The following MLF1 variants were observed in gnomAD, a reference collection of about 807,000 sequenced individuals.
The protein encoded by MLF1 is myeloid leukemia factor 1.
A neutral mutation model predicts 38.3 loss-of-function variants in MLF1; 37 were observed. The observed-to-expected ratio is 0.96, with a 90% CI of 0.74 to 1.27. The LOEUF (loss-of-function observed/expected upper bound fraction) is 1.27. Among genes scored for constraint, MLF1 ranks in the 50% most tolerant of loss-of-function variants. The probability of loss-of-function intolerance (pLI) is 0.00; values close to 1 mark genes in which losing one functional copy is unlikely to be tolerated. For synonymous variants in MLF1, 95 were observed against 106.5 expected (o/e 0.89, Z 0.66); for missense variants, 331 against 349.2 (o/e 0.95, Z 0.42).
chr3:158,592,521 T>C lies in MLF1; in HGVS notation c.135T>C (p.Ser45=). ...TTGGAAGAGACTTGCTCAGTATCTCTGATGGTAGAGGGAGAGCTCATAATC... is the reference window on the plus strand; with the variant it reads ...TTGGAAGAGACTTGCTCAGTATCTCCGATGGTAGAGGGAGAGCTCATAATC... ...EPFGRDLLSI[S]DGRGRAHNRR... Residue 45 remains serine (S), a synonymous_variant, in exon 2 of 8, where the codon TCT becomes TCC. Coordinates refer to ENST00000466246, the MANE Select transcript of MLF1 (RefSeq NM_001369783.1). 1 of 1,612,146 alleles carries C rather than the reference T, an allele frequency of 6.2e-7. No homozygotes were observed.
chr3:158,574,892 G>A (rs1263905895), intron 1 of MLF1, among the ~76,000 whole-genome samples: 1 of 152,014 alleles, frequency 6.6e-6, no homozygotes, highest in Non-Finnish European at 1.5e-5. Flanking sequence ...GACAATTTTC[G>A]AGTTGTATTA....
At chr3:158,594,701 A>G (rs1449414537) in intron 3 of MLF1, among the ~76,000 whole-genome samples, 4 of 152,130 alleles carry the variant, frequency 2.6e-5, no homozygotes, top group African/African-American at 9.7e-5. Flanking sequence ...TAAAAGGGCG[A>G]ATGGATGGAA....
chr3:158,601,308 G>A (rs1273592953), intron 6 of MLF1, among the ~76,000 whole-genome samples: 2 of 152,014 alleles, frequency 1.3e-5, no homozygotes, highest in Admixed American at 6.6e-5. Context: ...AGTGACTCAC[G>A]CCTGTAATCC....
chr3:158,584,775 TACC>T (rs546948658), intron 1 of MLF1, among the ~76,000 whole-genome samples: 110 of 151,880 alleles, frequency 7.2e-4, no homozygotes, highest in Admixed American at 1.2e-3. Context: ...GGCTTCTCTG[TACC>T]ACATTGCAAG....
chr3:158,574,104 T>G (rs1715006621), intron 1 of MLF1, among the ~76,000 whole-genome samples: 1 of 152,158 alleles, frequency 6.6e-6, no homozygotes, highest in Non-Finnish European at 1.5e-5. Context: ...TAGCCAATGT[T>G]GTTGTTTAAA....
chr3:158,588,531 G>T (rs1046203706), intron 1 of MLF1, among the ~76,000 whole-genome samples: 5 of 151,144 alleles, frequency 3.3e-5, no homozygotes, highest in African/African-American at 1.2e-4. Context: ...AACCCAGGAG[G>T]CGGAGCTTGC....
At chr3:158,605,012 CA>C (rs1461683707) in intron 7 of MLF1, 84 bp from the exon 8 acceptor site, 1 of 985,500 alleles carries the variant, frequency 1.0e-6, no homozygotes, top group African/African-American at 1.7e-5. Context: ...TCTTATATTA[CA>C]GTGGTTTTTA....
chr3:158,581,665 A>G (rs1447668425), intron 1 of MLF1, among the ~76,000 whole-genome samples: 2 of 152,194 alleles, frequency 1.3e-5, no homozygotes, highest in African/African-American at 2.4e-5. Flanking sequence ...TCAACAAAAT[A>G]TTACGAGGCA....
At chr3:158,578,104 T>C (rs1715732240) in intron 1 of MLF1, among the ~76,000 whole-genome samples, 1 of 152,200 alleles carries the variant, frequency 6.6e-6, no homozygotes, top group Non-Finnish European at 1.5e-5. Flanking sequence ...TTATTTCTAG[T>C]ATCAAAACAT....
At chr3:158,592,702 T>A in intron 2 of MLF1, 121 bp downstream of exon 2, 1 of 807,868 alleles carries the variant, frequency 1.2e-6, no homozygotes, top group Non-Finnish European at 1.8e-6. Flanking sequence ...TAGAAATCAC[T>A]ATTATATAAA....
chr3:158,580,458 C>T (rs987715554), intron 1 of MLF1, among the ~76,000 whole-genome samples: 3 of 152,076 alleles, frequency 2.0e-5, no homozygotes, highest in African/African-American at 7.2e-5. Context: ...ATGAGCTGCT[C>T]CGTGTGTACT....
chr3:158,598,339 G>A (rs1719212753), intron 5 of MLF1, 131 bp downstream of exon 5: 2 of 866,844 alleles, frequency 2.3e-6, no homozygotes, highest in Non-Finnish European at 3.4e-6. Context: ...TGTGGGGGTT[G>A]GGGGTAAGGT....
intron 1 of MLF1, among the ~76,000 whole-genome samples, chr3:158,578,016 G>T (rs932428215): frequency 6.6e-6 from 1 of 152,044 alleles, no homozygotes; most frequent in South Asian, 2.1e-4. Flanking sequence ...ACTATAGGCC[G>T]AACCCTGTGG....
chr3:158,582,707 GA>G (rs746078919), intron 1 of MLF1: 1 of 500,086 alleles, frequency 2.0e-6, no homozygotes. Context: ...GTGTTGAGAG[GA>G]AAAAAACCCA....
chr3:158,583,312 C>T (rs1716699878), intron 1 of MLF1, among the ~76,000 whole-genome samples: 1 of 152,054 alleles, frequency 6.6e-6, no homozygotes, highest in African/African-American at 2.4e-5. Flanking sequence ...AATGTGAGGA[C>T]ACAGGGATCT....
chr3:158,580,087 T>C (rs1011269883), intron 1 of MLF1, among the ~76,000 whole-genome samples: 1 of 152,148 alleles, frequency 6.6e-6, no homozygotes, highest in Non-Finnish European at 1.5e-5. Flanking sequence ...GGGTAACTCA[T>C]TTGTGCATTT....
At chr3:158,588,544 T>G (rs1717615534) in intron 1 of MLF1, among the ~76,000 whole-genome samples, 1 of 141,082 alleles carries the variant, frequency 7.1e-6, no homozygotes. Flanking sequence ...GAGCTTGCAG[T>G]GAGCCGAGAT....
chr3:158,602,141 C>T (rs990269576), intron 6 of MLF1, among the ~76,000 whole-genome samples: 4 of 151,978 alleles, frequency 2.6e-5, no homozygotes, highest in African/African-American at 9.7e-5. Context: ...TATTCTTATG[C>T]AGTAAGATAG....
intron 1 of MLF1, among the ~76,000 whole-genome samples, chr3:158,574,204 T>C (rs1319205713): frequency 1.3e-5 from 2 of 152,166 alleles, no homozygotes; most frequent in East Asian, 1.9e-4. Context: ...AAATGGTTAA[T>C]ATAGAAAAAT....
Sources: gnomAD v4.1 joint callset for allele counts (sites outside exome capture counted in the v4.1 genomes callset) on GRCh38, gnomAD v4.1.1 for gene constraint, MANE v1.5 for transcripts, NCBI Gene and HGNC (gene_info 2026-07-23, HGNC 2026-07-21) for gene names.